Variants in SLX9 observed in about 807,000 individuals in gnomAD.
The protein encoded by SLX9 is SLX9 ribosome biogenesis factor.
A neutral mutation model predicts 20.8 loss-of-function variants in SLX9; 19 were observed. The observed-to-expected ratio is 0.91, with a 90% CI of 0.64 to 1.34. SLX9 has a LOEUF of 1.34. Among genes scored for constraint, SLX9 ranks in the 40% most tolerant of loss-of-function variants. The pLI is 0.00. For missense variants in SLX9, 299 were observed against 322.2 expected (o/e 0.93, Z 0.55); for synonymous variants, 113 against 137.1 (o/e 0.82, Z 1.23).
chr21:44,945,897 G>T lies in SLX9; in HGVS notation c.283+2060G>T, dbSNP rs150395611. Among the ~76,000 whole-genome samples the T allele has an allele frequency of 7.9e-5, 12 of 152,290 alleles. No individual in the cohort carries two copies. The East Asian group carries it at 2.3e-3, about 29-fold the overall frequency. ...CGCCCAGCTAACGCCACCACGCCCG[G>T]CTAATTTTTGTATTTTTAGTAGAGA... On this transcript the variant is annotated intron_variant, in intron 2 of 5. Transcript: ENST00000291634.
chr21:44,958,944 A>ACTGGTCT (rs1454340331), intron 2 of SLX9, among the ~76,000 whole-genome samples: 1 of 152,134 alleles, frequency 6.6e-6, no homozygotes, highest in Non-Finnish European at 1.5e-5. Context: ...GTCAGTTTCC[A>ACTGGTCT]CTGGTCTTAG....
At chr21:44,957,006 C>T (rs574657715) in intron 2 of SLX9, among the ~76,000 whole-genome samples, 2 of 152,368 alleles carry the variant, frequency 1.3e-5, no homozygotes, top group African/African-American at 4.8e-5. Flanking sequence ...ATTGCAGCTC[C>T]AGAGCACGGG....
intron 2 of SLX9, 126 bp downstream of exon 2, chr21:44,943,963 C>G: frequency 7.5e-7 from 1 of 1,334,922 alleles, no homozygotes; most frequent in Admixed American, 2.1e-5. Flanking sequence ...GCAAGGGATG[C>G]CCCTGGCTGT....
intron 5 of SLX9, among the ~76,000 whole-genome samples, chr21:44,975,156 T>A (rs529270041): frequency 6.6e-6 from 1 of 152,068 alleles, no homozygotes; most frequent in East Asian, 1.9e-4. Context: ...AGGGCTCAGG[T>A]GTTTGAGTGG....
intron 2 of SLX9, among the ~76,000 whole-genome samples, chr21:44,957,955 G>C (rs1000181678): frequency 6.6e-6 from 1 of 152,260 alleles, no homozygotes; most frequent in African/African-American, 2.4e-5. Context: ...GAAGAAGCCT[G>C]TCTGCCTAGA....
upstream of SLX9, chr21:44,939,970 G>A (rs915390399): frequency 5.3e-6 from 7 of 1,319,206 alleles, no homozygotes; most frequent in South Asian, 9.1e-5. Flanking sequence ...GCTCCCGGCA[G>A]CCGCGGCTCC....
chr21:44,972,089 A>T (rs537970775), intron 4 of SLX9, among the ~76,000 whole-genome samples: 2 of 152,194 alleles, frequency 1.3e-5, no homozygotes, highest in Non-Finnish European at 2.9e-5. Context: ...TAAGAGATCC[A>T]TGAATAAAAG....
At chr21:44,945,644 C>G (rs866302863) in intron 2 of SLX9, among the ~76,000 whole-genome samples, 1 of 152,212 alleles carries the variant, frequency 6.6e-6, no homozygotes, top group Non-Finnish European at 1.5e-5. Context: ...GGGCTGAGGT[C>G]GTGCCCAGCA....
chr21:44,971,584 G>A (rs969144879), intron 4 of SLX9, among the ~76,000 whole-genome samples: 1 of 152,200 alleles, frequency 6.6e-6, no homozygotes. Flanking sequence ...AAGTGAGGGT[G>A]CAGCTCCAGG....
At chr21:44,964,104 C>A (rs985740279) in intron 3 of SLX9, among the ~76,000 whole-genome samples, 1 of 152,312 alleles carries the variant, frequency 6.6e-6, no homozygotes, top group South Asian at 2.1e-4. Flanking sequence ...GTGTAGAGAT[C>A]TTACATCTTA....
chr21:44,955,922 C>T (rs529775132), intron 2 of SLX9, among the ~76,000 whole-genome samples: 59 of 152,358 alleles, frequency 3.9e-4, no homozygotes, highest in African/African-American at 1.4e-3. Context: ...TTGCCTACTG[C>T]AGACACCGCC....
Position 44,943,793 on chromosome 21 carries a change from G to A in SLX9, c.239G>A (p.Gly80Asp), listed in dbSNP as rs1305088991. ...AGGAGTGTCACTTCCGTCAGGAGAG[G>A]TGAGGCAGGCTCGAGTGCACGGAGC... ...DVRSVTSVRR[G>D]EAGSSARSVP... The change falls in exon 2 of 6, where the codon GGT becomes GAT. Residue 80 changes from glycine to aspartate, a missense_variant. Physicochemically the swap from Gly to Asp is moderately conservative, Grantham distance 94. Coordinates refer to ENST00000291634, the MANE Select transcript of SLX9 (RefSeq NM_058190.4). The A allele has an allele frequency of 6.2e-7, 1 of 1,613,018 alleles. No homozygotes were observed. Among genetic ancestry groups the A allele is most frequent in the African/African-American group, 1.3e-5 (1 of 74,894 alleles).
At chr21:44,972,916 C>A (rs2123462422) in intron 4 of SLX9, 1 of 48,242 alleles carries the variant, frequency 2.1e-5, no homozygotes, top group Non-Finnish European at 3.6e-5. Context: ...GCAGGAGTCA[C>A]CAGATTCCAC....
intron 1 of SLX9, among the ~76,000 whole-genome samples, chr21:44,942,045 C>T (rs531387530): frequency 2.6e-5 from 4 of 152,318 alleles, no homozygotes; most frequent in African/African-American, 9.6e-5. Context: ...AGGAGAGGGG[C>T]GTGCCTTTAG....
chr21:44,944,256 G>A (rs748611433), intron 2 of SLX9, among the ~76,000 whole-genome samples: 2 of 152,214 alleles, frequency 1.3e-5, no homozygotes, highest in Non-Finnish European at 2.9e-5. Flanking sequence ...AACTCTTGAG[G>A]GTTTAGATCC....
At chr21:44,964,645 C>T (rs1172706072) in intron 3 of SLX9, among the ~76,000 whole-genome samples, 1 of 152,258 alleles carries the variant, frequency 6.6e-6, no homozygotes, top group Non-Finnish European at 1.5e-5. Context: ...TGGAACCACA[C>T]ACATGTCCCA....
At chr21:44,976,646 C>T (rs1425599277) in intron 5 of SLX9, 34 bp from the exon 6 acceptor site, 2 of 1,566,884 alleles carry the variant, frequency 1.3e-6, no homozygotes, top group Non-Finnish European at 1.7e-6. Context: ...TCCGGGGGTT[C>T]CTGCCTGCTG....
chr21:44,951,692 G>A (rs1024343663), intron 2 of SLX9, among the ~76,000 whole-genome samples: 1 of 152,146 alleles, frequency 6.6e-6, no homozygotes, highest in Non-Finnish European at 1.5e-5. Flanking sequence ...CGCTGTGTGG[G>A]CACCATCTCT....
chr21:44,972,165 G>A (rs553418997), intron 4 of SLX9, among the ~76,000 whole-genome samples: 6 of 152,156 alleles, frequency 3.9e-5, no homozygotes, highest in African/African-American at 1.2e-4. Flanking sequence ...CTGCCTTCCC[G>A]CCGTCGTCTG....
Sources: gnomAD v4.1 joint callset for allele counts (sites outside exome capture counted in the v4.1 genomes callset) on GRCh38, gnomAD v4.1.1 for gene constraint, MANE v1.5 for transcripts, NCBI Gene and HGNC (gene_info 2026-07-23, HGNC 2026-07-21) for gene names.